Variants in TBC1D15 observed in about 807,000 individuals in gnomAD.
TBC1D15 encodes the protein TBC1 domain family member 15.
TBC1D15 carries 39 observed loss-of-function variants against 95.4 expected under a neutral mutation model. The observed-to-expected ratio is 0.41, with a 90% CI of 0.32 to 0.53. TBC1D15 has a LOEUF of 0.53. Ranked by LOEUF, TBC1D15 falls within the 20% of genes least tolerant of loss-of-function variation. The pLI, the probability that TBC1D15 is intolerant of heterozygous loss-of-function variation, is 0.29. For synonymous variants in TBC1D15, 258 were observed against 261.3 expected, an observed-to-expected ratio of 0.99 and a Z score of 0.12; for missense variants, 733 against 794.3, an observed-to-expected ratio of 0.92 and a Z score of 0.93.
At chr12:71,894,298 T>C in intron 6 of TBC1D15, 1 of 1,610,054 alleles carries the variant, frequency 6.2e-7, no homozygotes, top group Non-Finnish European at 8.5e-7. Context: ...TGGTACACAC[T>C]TCAAGAAATA....
chr12:71,863,434 A>G (rs1054027408), intron 1 of TBC1D15, among the ~76,000 whole-genome samples: 1 of 152,186 alleles, frequency 6.6e-6, no homozygotes, highest in African/African-American at 2.4e-5. Context: ...GGACTTCCTT[A>G]TATGTGACTT....
intron 3 of TBC1D15, among the ~76,000 whole-genome samples, chr12:71,877,496 TTTCCTTCCTTCCTTCCTTCCTTCCTTCC>T (rs200912836): frequency 1.2e-4 from 11 of 89,712 alleles, no homozygotes; most frequent in African/African-American, 2.7e-4. Context: ...CTTTCCTGTT[TTTCCTTCCTTCCTTCCTTCCTTCCTTCC>T]TTCCTTCCTT....
chr12:71,913,040 G>A (rs1359607753), intron 11 of TBC1D15, among the ~76,000 whole-genome samples: 2 of 151,976 alleles, frequency 1.3e-5, no homozygotes, highest in Non-Finnish European at 2.9e-5. Context: ...TTAAGTGAGG[G>A]ATCTGACTCC....
intron 3 of TBC1D15, among the ~76,000 whole-genome samples, chr12:71,875,958 C>T (rs1046813131): frequency 3.3e-5 from 5 of 151,972 alleles, no homozygotes; most frequent in African/African-American, 1.2e-4. Context: ...CGTCACCACA[C>T]CTGGCTAATT....
rs527322089 is a variant in TBC1D15 at position 71,842,918 on chromosome 12, A to T, written c.30+3107A>T. 1.5e-4 allele frequency among the ~76,000 whole-genome samples: 23 copies of T among 152,020 alleles called. 1 individual carries two copies. In the South Asian group the frequency reaches 4.8e-3, roughly 32 times the overall value. On this transcript the variant is annotated intron_variant, in intron 1 of 16. Coordinates refer to ENST00000485960, the MANE Select transcript of TBC1D15 (RefSeq NM_001146213.3). ...GGTCCATTAATAGCTCTTTTGTTTC[A>T]GAGTTGTAAAATCCTATTGTAGTAC...
chr12:71,907,289 G>T, intron 11 of TBC1D15, 151 bp downstream of exon 11: 1 of 479,804 alleles, frequency 2.1e-6, no homozygotes, highest in South Asian at 3.8e-5. Flanking sequence ...CAAGGCTATG[G>T]TTCTCAACCA....
intron 1 of TBC1D15, among the ~76,000 whole-genome samples, chr12:71,852,842 A>G (rs762405302): frequency 6.6e-6 from 1 of 152,174 alleles, no homozygotes; most frequent in Non-Finnish European, 1.5e-5. Flanking sequence ...TATTTTGGTC[A>G]CAACCGTTCA....
intron 12 of TBC1D15, among the ~76,000 whole-genome samples, chr12:71,916,557 GAATT>G (rs763235233): frequency 1.3e-5 from 2 of 152,104 alleles, no homozygotes; most frequent in African/African-American, 2.4e-5. Flanking sequence ...TTTTAAGAAT[GAATT>G]GTTTCTAATA....
Position 71,865,756 on chromosome 12 carries a change from T to C in TBC1D15, c.31-6314T>C, listed in dbSNP as rs543683495. Among the ~76,000 whole-genome samples, 61 of 152,138 alleles carry C rather than the reference T, an allele frequency of 4.0e-4. No homozygotes were observed. The South Asian group carries it at 0.012, about 31-fold the overall frequency. ...AGCATGGCTGTGTTTCTCTCGGATA[T>C]GGGGTACTGTGTCAGCTCAGCCTGG... On this transcript the variant is annotated intron_variant, in intron 1 of 16. Coordinates refer to ENST00000485960, the MANE Select transcript of TBC1D15 (RefSeq NM_001146213.3).
intron 8 of TBC1D15, chr12:71,896,467 T>G (rs1024568254): frequency 1.8e-6 from 1 of 546,662 alleles, no homozygotes. Context: ...TGTAGTCTAC[T>G]GTATTCTGTG....
At chr12:71,914,922 A>G (rs1016978839) in intron 12 of TBC1D15, among the ~76,000 whole-genome samples, 3 of 151,836 alleles carry the variant, frequency 2.0e-5, no homozygotes, top group African/African-American at 7.3e-5. Context: ...TATTTCCCCA[A>G]ATCTCTTGTC....
intron 1 of TBC1D15, among the ~76,000 whole-genome samples, chr12:71,856,857 C>T (rs900882079): frequency 1.3e-5 from 2 of 152,100 alleles, no homozygotes. Context: ...GCAAATAAAA[C>T]TTGTAGAGTA....
chr12:71,846,471 G>T (rs1464620744), intron 1 of TBC1D15, among the ~76,000 whole-genome samples: 1 of 152,112 alleles, frequency 6.6e-6, no homozygotes, highest in Non-Finnish European at 1.5e-5. Flanking sequence ...TGTTCTTTAT[G>T]ATGTCTGGCA....
chr12:71,868,997 A>T (rs1160143930), intron 1 of TBC1D15: 1 of 152,198 alleles, frequency 6.6e-6, no homozygotes, highest in Admixed American at 6.5e-5. Context: ...AAATTTTATT[A>T]TGTACATTTG....
At chr12:71,848,077 A>T (rs1414735323) in intron 1 of TBC1D15, among the ~76,000 whole-genome samples, 1 of 152,260 alleles carries the variant, frequency 6.6e-6, no homozygotes, top group Non-Finnish European at 1.5e-5. Flanking sequence ...AGCCTGGGCA[A>T]CAAGAGCGAA....
intron 1 of TBC1D15, among the ~76,000 whole-genome samples, chr12:71,843,012 C>T (rs1885439880): frequency 6.6e-6 from 1 of 151,628 alleles, no homozygotes; most frequent in Admixed American, 6.6e-5. Context: ...ACTGGCCGGG[C>T]ACGGTGGCTC....
At chr12:71,908,815 G>T (rs535345141) in intron 11 of TBC1D15, among the ~76,000 whole-genome samples, 1 of 152,250 alleles carries the variant, frequency 6.6e-6, no homozygotes, top group East Asian at 1.9e-4. Context: ...TTATGAGTAA[G>T]GTTATTTTGA....
chr12:71,863,293 G>C (rs1360379775), intron 1 of TBC1D15, among the ~76,000 whole-genome samples: 1 of 152,070 alleles, frequency 6.6e-6, no homozygotes, highest in Non-Finnish European at 1.5e-5. Flanking sequence ...CAGGAGAATG[G>C]CATGAACCTG....
chr12:71,867,460 G>T (rs1891733224), intron 1 of TBC1D15, among the ~76,000 whole-genome samples: 1 of 152,138 alleles, frequency 6.6e-6, no homozygotes. Flanking sequence ...TACTGGTTTT[G>T]ACTTATTCAG....
Sources: allele counts gnomAD v4.1 joint callset (sites outside exome capture counted in the v4.1 genomes callset), GRCh38; gene constraint gnomAD v4.1.1; transcripts MANE v1.5; gene names NCBI Gene and HGNC (gene_info 2026-07-23, HGNC 2026-07-21).